Variants in P2RY8 observed in about 807,000 individuals in gnomAD.
P2RY8 encodes S-geranylgeranyl-glutathione receptor P2RY8.
Under a neutral mutation model 10.0 loss-of-function variants are expected in P2RY8, and 6 were observed. The observed-to-expected ratio is 0.60, with a 90% CI of 0.33 to 1.19. The LOEUF (loss-of-function observed/expected upper bound fraction) is 1.19, where lower values mean the gene tolerates loss of function less well. P2RY8 is among the 50% of genes most tolerant of loss of function. P2RY8 has a pLI of 0.04. For missense variants in P2RY8, 456 were observed against 542.0 expected, an observed-to-expected ratio of 0.84 and a Z score of 1.58; for synonymous variants, 276 against 252.5, an observed-to-expected ratio of 1.09 and a Z score of -0.88.
At chrX:1,527,693 C>A (rs1434294571) in intron 1 of P2RY8, among the ~76,000 whole-genome samples, 1 of 151,164 alleles carries the variant, frequency 6.6e-6, no homozygotes, top group East Asian at 1.9e-4. Flanking sequence ...CATTCCTTAT[C>A]CATTTACTCA....
At chrX:1,505,484 T>C (rs1222514078) in intron 1 of P2RY8, among the ~76,000 whole-genome samples, 22 of 152,132 alleles carry the variant, frequency 1.4e-4, no homozygotes, top group Non-Finnish European at 2.4e-4. Flanking sequence ...AAGATGAAGC[T>C]AGGTGTCTCA....
intron 1 of P2RY8, among the ~76,000 whole-genome samples, chrX:1,500,452 T>G (rs1258987373): frequency 5.9e-5 from 9 of 151,616 alleles, no homozygotes; most frequent in South Asian, 2.1e-4. Flanking sequence ...TAATTTTTTT[T>G]TTTGTTTTTT....
intron 1 of P2RY8, among the ~76,000 whole-genome samples, chrX:1,515,055 C>A (rs1344741931): frequency 6.7e-6 from 1 of 149,870 alleles, no homozygotes; most frequent in Non-Finnish European, 1.5e-5. Context: ...ATTACAGGCA[C>A]CCACCACCAC....
intron 1 of P2RY8, among the ~76,000 whole-genome samples, chrX:1,485,434 C>T (rs1275119699): frequency 6.6e-6 from 1 of 152,092 alleles, no homozygotes; most frequent in Admixed American, 6.6e-5. Flanking sequence ...CCACTGCGCC[C>T]AGCCCCTTAA....
At chrX:1,528,225 C>T (rs1437725971) in intron 1 of P2RY8, among the ~76,000 whole-genome samples, 5 of 152,206 alleles carry the variant, frequency 3.3e-5, no homozygotes, top group African/African-American at 1.2e-4. Flanking sequence ...CAGCTAGTGC[C>T]TGGGAGGCCT....
At chrX:1,528,427 G>T (rs766876053) in intron 1 of P2RY8, among the ~76,000 whole-genome samples, 1 of 152,368 alleles carries the variant, frequency 6.6e-6, no homozygotes, top group South Asian at 2.1e-4. Flanking sequence ...GGCCATCACA[G>T]CTCTGAGCAG....
rs1173310717 is a variant in P2RY8 at position 1,509,765 on chromosome X, C to G, written c.-25+27156G>C. 2.0e-4 allele frequency among the ~76,000 whole-genome samples: 25 copies of G among 124,274 alleles called. 1 individual carries two copies. Among genetic ancestry groups the G allele is most frequent in the Non-Finnish European group, 2.9e-4 (17 of 58,696 alleles). The allele number at this position is 124,274 out of a possible 152,430, so 81.5% of individuals were successfully genotyped here. A position where few individuals can be genotyped will look rare whatever the true frequency, so the allele number is the denominator to read the frequency against. The stretch of plus-strand genomic sequence containing the variant: ...TGTATCTATCTGTCTATCTATCTAT[C>G]TATCTATCTATCTATCATCTATGTA... On this transcript the variant is annotated intron_variant, in intron 1 of 1. Transcript: ENST00000381297.
chrX:1,475,612 G>A lies in P2RY8; in HGVS notation c.-24-9030C>T, dbSNP rs188776747. ...AGACTTCAAAGAAATTAGAGAAAGC[G>A]TCATCATACCAAATAAAAGAGAGGA... On this transcript the variant is annotated intron_variant, in intron 1 of 1. Transcript: ENST00000381297. Among the ~76,000 whole-genome samples the A allele has an allele frequency of 4.0e-5, 6 of 151,530 alleles. No homozygotes were observed. In the East Asian group the frequency reaches 5.8e-4, roughly 15 times the overall value.
At chrX:1,475,855 T>C (rs2091867544) in intron 1 of P2RY8, among the ~76,000 whole-genome samples, 1 of 152,150 alleles carries the variant, frequency 6.6e-6, no homozygotes, top group Admixed American at 6.6e-5. Context: ...TGTCCAACAC[T>C]AGCAGAGTGG....
intron 1 of P2RY8, among the ~76,000 whole-genome samples, chrX:1,504,844 G>A (rs755974234): frequency 3.0e-4 from 46 of 151,072 alleles, no homozygotes; most frequent in African/African-American, 1.0e-3. Flanking sequence ...AAAATTAGCC[G>A]GGCATTGGCC....
intron 1 of P2RY8, among the ~76,000 whole-genome samples, chrX:1,485,030 T>C (rs1433363772): frequency 1.3e-5 from 2 of 149,468 alleles, no homozygotes; most frequent in African/African-American, 4.9e-5. Flanking sequence ...GATTGCAGTT[T>C]GTTGCTCAGG....
chrX:1,471,024 T>G (rs2091777768), intron 1 of P2RY8, among the ~76,000 whole-genome samples: 1 of 151,500 alleles, frequency 6.6e-6, no homozygotes, highest in Non-Finnish European at 1.5e-5. Flanking sequence ...ATTTTTTTTT[T>G]GAGAGGGAGT....
At chrX:1,520,573 C>G (rs1292843215) in intron 1 of P2RY8, among the ~76,000 whole-genome samples, 2 of 150,966 alleles carry the variant, frequency 1.3e-5, no homozygotes, top group African/African-American at 4.9e-5. Context: ...CTCCGATCCT[C>G]AATTATCTCA....
chrX:1,511,746 C>T (rs187880426), intron 1 of P2RY8, among the ~76,000 whole-genome samples: 12 of 152,338 alleles, frequency 7.9e-5, no homozygotes, highest in South Asian at 6.2e-4. Context: ...TTGCCTTCAA[C>T]GGCATGTCTA....
intron 1 of P2RY8, among the ~76,000 whole-genome samples, chrX:1,503,968 G>T (rs2092204550): frequency 1.3e-5 from 2 of 152,040 alleles, no homozygotes; most frequent in South Asian, 4.1e-4. Flanking sequence ...TAATCATGTT[G>T]GTGTTTTACA....
chrX:1,466,454 CG>C lies in P2RY8; in HGVS notation c.104del (p.Ala35GlyfsTer28). On this transcript the variant is annotated frameshift_variant, in exon 2 of 2. Transcript: ENST00000381297. LOFTEE classifies it high-confidence loss of function. Reference sequence around the variant, plus strand: ...AGAAGAGGTTGCCCGGGATGCTGACCGCCGCCACCAGCGAGTACACCACGGG... The same window carrying C: ...AGAAGAGGTTGCCCGGGATGCTGACCCCGCCACCAGCGAGTACACCACGGG... ...ALPVVYSLVA[A>X]VSIPGNLFSL... 1 of 1,612,384 alleles carries C rather than the reference CG, an allele frequency of 6.2e-7. No individual in the cohort carries two copies. The highest frequency in any genetic ancestry group is 8.5e-7 in the Non-Finnish European group (1 of 1,179,792).
At position 1,466,034 on chromosome X, in the gene P2RY8, G is replaced by A. The variant is rs368871096; in HGVS notation, c.525C>T (p.Cys175=). The A allele has an allele frequency of 3.4e-5, 55 of 1,611,794 alleles. No homozygotes were observed. The highest frequency in any genetic ancestry group is 4.3e-5 in the Non-Finnish European group (51 of 1,179,778). ...YPVHALGIIT[C]FDVLKWTMLP... is the part of the protein sequence containing the mutation. ...GCATCGTCCACTTGAGGACGTCGAA[G>A]CAGGTGATGATGCCCAGGGCGTGCA... The change falls in exon 2 of 2, where the codon TGC becomes TGT. Residue 175 remains cysteine (C), a synonymous_variant. Coordinates refer to ENST00000381297, the MANE Select transcript of P2RY8 (RefSeq NM_178129.5).
intron 1 of P2RY8, among the ~76,000 whole-genome samples, chrX:1,482,951 G>C (rs1315800223): frequency 2.0e-5 from 3 of 151,886 alleles, no homozygotes; most frequent in African/African-American, 7.3e-5. Flanking sequence ...TGTGGGGTGG[G>C]GGGACGGGGG....
chrX:1,481,680 C>T (rs1399276662), intron 1 of P2RY8, among the ~76,000 whole-genome samples: 3 of 152,098 alleles, frequency 2.0e-5, no homozygotes, highest in Non-Finnish European at 2.9e-5. Flanking sequence ...CTCGCACCCT[C>T]AAAGTTCCCC....
Sources: allele counts gnomAD v4.1 joint callset (sites outside exome capture counted in the v4.1 genomes callset), GRCh38; gene constraint gnomAD v4.1.1; transcripts MANE v1.5; gene names NCBI Gene and HGNC (gene_info 2026-07-23, HGNC 2026-07-21).